The following DDX59 variants were observed in gnomAD, a reference collection of about 807,000 sequenced individuals.
DDX59 encodes the protein probable ATP-dependent RNA helicase DDX59.
DDX59 carries 30 observed loss-of-function variants against 51.9 expected under a neutral mutation model. The ratio of observed to expected loss-of-function variants is 0.58; its 90% CI spans 0.43 to 0.78. DDX59 has a LOEUF of 0.78. DDX59 is among the 30% of genes least tolerant of loss of function. The pLI, the probability that DDX59 is intolerant of heterozygous loss-of-function variation, is 0.00. For synonymous variants in DDX59, 255 were observed against 253.3 expected (o/e 1.01, Z -0.06); for missense variants, 672 against 730.8 (o/e 0.92, Z 0.93).
chr1:200,664,266 C>T (rs1662570261), intron 2 of DDX59, among the ~76,000 whole-genome samples, 180 bp from the exon 3 acceptor site: 1 of 152,180 alleles, frequency 6.6e-6, no homozygotes, highest in Non-Finnish European at 1.5e-5. Context: ...TAAATTAAAC[C>T]CATTTCTTAC....
At chr1:200,658,675 G>A (rs1423319928) in intron 4 of DDX59, among the ~76,000 whole-genome samples, 1 of 152,082 alleles carries the variant, frequency 6.6e-6, no homozygotes, top group African/African-American at 2.4e-5. Context: ...CAGCCTGGGT[G>A]ACCTAAGCAA....
Position 200,649,094 on chromosome 1 carries a change from C to T in DDX59, c.1447G>A (p.Glu483Lys). The change falls in exon 6 of 8, where the codon GAA becomes AAA. Residue 483 changes from glutamate (E) to lysine (K), a missense_variant. Coordinates refer to ENST00000331314, the MANE Select transcript of DDX59 (RefSeq NM_001031725.6). ...CAAACCTTCAATATGTTTTTCCTTT[C>T]TATTTGCGACTTCTCTGAATGTATA... ...ISIHSEKSQIERKNILKGLLE... is the reference protein window; with the variant it reads ...ISIHSEKSQIKRKNILKGLLE... 6.4e-7 allele frequency: 1 copy of T among 1,565,054 alleles called. No individual in the cohort carries two copies. The highest frequency in any genetic ancestry group is 8.6e-7 in the Non-Finnish European group (1 of 1,163,712).
Position 200,666,711 on chromosome 1 carries a change from CTTGA to C in DDX59, c.26_29del (p.Ile9ArgfsTer15). Reference sequence around the variant, plus strand: ...TTTTGCCATCATCATTAGCATTCCTCTTGATTTTTAGAGATCTTGGAACAAACAT... The same window carrying C: ...TTTTGCCATCATCATTAGCATTCCTCTTTTTAGAGATCTTGGAACAAACAT... On this transcript the variant is annotated frameshift_variant, in exon 2 of 8. Transcript: ENST00000331314. LOFTEE classifies it high-confidence loss of function. 6.2e-7 allele frequency: 1 copy of C among 1,611,956 alleles called. No individual in the cohort carries two copies. Among genetic ancestry groups the C allele is most frequent in the Non-Finnish European group, 8.5e-7 (1 of 1,178,290 alleles).
chr1:200,651,030 C>G (rs1661626425), intron 4 of DDX59, among the ~76,000 whole-genome samples: 1 of 151,700 alleles, frequency 6.6e-6, no homozygotes, highest in African/African-American at 2.4e-5. Flanking sequence ...TGAATGATTG[C>G]TAGGTTAAAA....
chr1:200,658,903 TA>T, intron 4 of DDX59, 123 bp downstream of exon 4: 2 of 769,018 alleles, frequency 2.6e-6, no homozygotes, highest in Non-Finnish European at 4.2e-6. Context: ...TGCAATGCTT[TA>T]AAAGTCCCTG....
At chr1:200,664,502 G>A (rs1662585247) in intron 2 of DDX59, among the ~76,000 whole-genome samples, 1 of 152,072 alleles carries the variant, frequency 6.6e-6, no homozygotes, top group South Asian at 2.1e-4. Flanking sequence ...TTCTTTCTTT[G>A]TCCATATAAC....
rs1662754182 is a variant in DDX59, at chr1:200,666,451, G to A, written c.290C>T (p.Thr97Ile). 1 of 1,614,070 alleles carries A rather than the reference G, an allele frequency of 6.2e-7. No homozygotes were observed. The highest frequency in any genetic ancestry group is 8.5e-7 in the Non-Finnish European group (1 of 1,180,034). ...TTCCCCTGGTTCTGCCCAGCGCTGT[G>A]TTTTGGAAAATGACTTAACGGGCTC... ...SEEPVKSFSKTQRWAEPGEPI... is the reference protein window; with the variant it reads ...SEEPVKSFSKIQRWAEPGEPI... The change falls in exon 2 of 8, where the codon ACA becomes ATA. Residue 97 changes from threonine (T) to isoleucine (I), a missense_variant. By Grantham distance (89) the Thr-to-Ile change is moderately conservative. Transcript: ENST00000331314.
At chr1:200,661,908 A>G (rs1286119318) in intron 3 of DDX59, among the ~76,000 whole-genome samples, 1 of 152,074 alleles carries the variant, frequency 6.6e-6, no homozygotes, top group Non-Finnish European at 1.5e-5. Flanking sequence ...GCTATTTCTC[A>G]TGGTTTAACA....
At chr1:200,658,545 T>C (rs1662177619) in intron 4 of DDX59, among the ~76,000 whole-genome samples, 1 of 151,958 alleles carries the variant, frequency 6.6e-6, no homozygotes, top group Non-Finnish European at 1.5e-5. Context: ...AAAAACCAAA[T>C]TAGCCAGGCA....
At chr1:200,647,640 T>G (rs1051663569) in intron 7 of DDX59, among the ~76,000 whole-genome samples, 60 of 151,902 alleles carry the variant, frequency 3.9e-4, no homozygotes, top group African/African-American at 1.4e-3. Context: ...TATACATACT[T>G]ACCTTTCAAA....
chr1:200,662,390 T>C (rs1268971387), intron 3 of DDX59, among the ~76,000 whole-genome samples: 2 of 152,150 alleles, frequency 1.3e-5, no homozygotes, highest in Non-Finnish European at 1.5e-5. Flanking sequence ...TTTGAGATTG[T>C]TTTTTTAAAA....
chr1:200,658,452 T>TG (rs1662171835), intron 4 of DDX59, among the ~76,000 whole-genome samples: 1 of 152,090 alleles, frequency 6.6e-6, no homozygotes, highest in Non-Finnish European at 1.5e-5. Flanking sequence ...CCCAGTACTT[T>TG]GGGAGGCCAA....
intron 1 of DDX59, among the ~76,000 whole-genome samples, chr1:200,667,818 TAC>T (rs200004006): frequency 2.0e-5 from 3 of 151,142 alleles, no homozygotes; most frequent in Admixed American, 6.6e-5. Flanking sequence ...TATATATATA[TAC>T]AGATATTTTT....
intron 3 of DDX59, among the ~76,000 whole-genome samples, chr1:200,662,441 G>A (rs148480862): frequency 7.8e-4 from 119 of 152,242 alleles, no homozygotes; most frequent in African/African-American, 2.7e-3. Context: ...GATCACCTGA[G>A]CTCAGGAGTT....
At chr1:200,648,183 C>A (rs1286281631) in intron 7 of DDX59, among the ~76,000 whole-genome samples, 3 of 149,734 alleles carry the variant, frequency 2.0e-5, no homozygotes, top group African/African-American at 7.4e-5. Context: ...GCCACCATAC[C>A]AGGCTAAATT....
intron 3 of DDX59, among the ~76,000 whole-genome samples, chr1:200,660,084 G>C (rs914879211): frequency 6.6e-6 from 1 of 152,170 alleles, no homozygotes; most frequent in East Asian, 1.9e-4. Flanking sequence ...AACTTCTATT[G>C]TATTTTGAAA....
At chr1:200,657,016 A>G (rs1326414517) in intron 4 of DDX59, among the ~76,000 whole-genome samples, 1 of 151,934 alleles carries the variant, frequency 6.6e-6, no homozygotes, top group Admixed American at 6.5e-5. Flanking sequence ...TTGGGAGGCT[A>G]AGGTGAGCAG....
At position 200,666,466 on chromosome 1, in the gene DDX59, T is replaced by C. The variant is rs759688770; in HGVS notation, c.275A>G (p.Lys92Arg). 5 of 1,614,204 alleles carry C rather than the reference T, an allele frequency of 3.1e-6. No individual in the cohort carries two copies. Among genetic ancestry groups the C allele is most frequent in the Non-Finnish European group, 4.2e-6 (5 of 1,180,028 alleles). ...KDSHPSEEPV[K>R]SFSKTQRWAE... ...CCAGCGCTGTGTTTTGGAAAATGAC[T>C]TAACGGGCTCTTCAGAAGGATGGCT... The change falls in exon 2 of 8, where the codon AAG becomes AGG. Residue 92 changes from lysine (K) to arginine (R), a missense_variant. Physicochemically the swap from Lys to Arg is conservative, Grantham distance 26. Coordinates refer to ENST00000331314, the MANE Select transcript of DDX59 (RefSeq NM_001031725.6).
chr1:200,644,307 C>T lies in DDX59; in HGVS notation c.1807G>A (p.Ala603Thr), dbSNP rs761639527. The T allele has an allele frequency of 6.2e-7, 1 of 1,602,620 alleles. No individual in the cohort carries two copies. Among genetic ancestry groups the T allele is most frequent in the Non-Finnish European group, 8.5e-7 (1 of 1,175,218 alleles). The part of the protein sequence containing the change: ...KQTQNDLVTG[A>T]NLMDIIRKHD... Reference sequence around the variant, plus strand: ...TTTCTGATAATATCCATAAGATTAGCTCCTGTAACCAGATCATTCTGTGTC... The same window carrying T: ...TTTCTGATAATATCCATAAGATTAGTTCCTGTAACCAGATCATTCTGTGTC... The change falls in exon 8 of 8, where the codon GCT becomes ACT. Residue 603 changes from alanine to threonine, a missense_variant. Physicochemically the swap from Ala to Thr is moderately conservative, Grantham distance 58 (BLOSUM62 0). Coordinates refer to ENST00000331314, the MANE Select transcript of DDX59 (RefSeq NM_001031725.6).
Sources: allele counts gnomAD v4.1 joint callset (sites outside exome capture counted in the v4.1 genomes callset), GRCh38; gene constraint gnomAD v4.1.1; transcripts MANE v1.5; gene names NCBI Gene and HGNC (gene_info 2026-07-23, HGNC 2026-07-21).